Variants in PTPRQ observed in about 807,000 individuals in gnomAD.
PTPRQ encodes phosphatidylinositol phosphatase PTPRQ.
In PTPRQ, 199 loss-of-function variants were observed where a neutral mutation model predicts 246.0. The ratio of observed to expected loss-of-function variants is 0.81; its 90% CI spans 0.72 to 0.91. The LOEUF (loss-of-function observed/expected upper bound fraction) is 0.91, where lower values mean the gene tolerates loss of function less well. PTPRQ is among the 40% of genes least tolerant of loss of function. PTPRQ has a pLI of 0.00. For missense variants in PTPRQ, 2,624 were observed against 2,528.4 expected (o/e 1.04, Z -0.81); for synonymous variants, 869 against 853.2 (o/e 1.02, Z -0.32).
chr12:80,543,839 G>A (rs1414110538), intron 23 of PTPRQ, among the ~76,000 whole-genome samples: 1 of 151,996 alleles, frequency 6.6e-6, no homozygotes, highest in Non-Finnish European at 1.5e-5. Flanking sequence ...GTTTCCCAGA[G>A]GTGTGAAATA....
chr12:80,468,404 A>T (rs1893510349), intron 6 of PTPRQ, among the ~76,000 whole-genome samples: 1 of 152,188 alleles, frequency 6.6e-6, no homozygotes. Context: ...AAATGTTTCA[A>T]GACAATGTAA....
intron 8 of PTPRQ, among the ~76,000 whole-genome samples, chr12:80,478,176 G>C (rs963697569): frequency 7.5e-5 from 11 of 146,852 alleles, no homozygotes; most frequent in African/African-American, 2.4e-4. Flanking sequence ...CACGCAGCTG[G>C]AGATCTGAGA....
chr12:80,597,689 A>G (rs1301754861), intron 26 of PTPRQ, among the ~76,000 whole-genome samples: 2 of 151,902 alleles, frequency 1.3e-5, no homozygotes, highest in African/African-American at 4.8e-5. Context: ...TGGCATGTCG[A>G]CGTTATAGAG....
At chr12:80,571,271 A>T (rs928074972) in intron 25 of PTPRQ, among the ~76,000 whole-genome samples, 1 of 152,220 alleles carries the variant, frequency 6.6e-6, no homozygotes, top group Non-Finnish European at 1.5e-5. Flanking sequence ...CAGCCTCCTG[A>T]GTAGCTGGGA....
rs1901256104 is a variant in PTPRQ at position 80,679,713 on chromosome 12, A to G, written c.*690A>G. The G allele has an allele frequency of 1.3e-5, 2 of 152,168 alleles. No homozygotes were observed. Among genetic ancestry groups the G allele is most frequent in the South Asian group, 2.1e-4 (1 of 4,830 alleles). The allele number at this position is 152,168 out of a possible 1,614,324, so 9.4% of individuals were successfully genotyped here. A position where few individuals can be genotyped will look rare whatever the true frequency, so the allele number is the denominator to read the frequency against. On this transcript the variant is annotated 3_prime_UTR_variant, in exon 45 of 45. Coordinates refer to ENST00000644991, the MANE Select transcript of PTPRQ (RefSeq NM_001145026.2). ...TGCACACATGAAATTACAGAGTACC[A>G]TTCTAGCAAACCTACATTTGTAAAC...
Position 80,557,969 on chromosome 12 carries a change from A to G in PTPRQ, c.4285+8235A>G, listed in dbSNP as rs372554873. ...TGTTATATAAGTGGAATTATAAAGTATGTAACCTTTTTTACCCAGAAAAAG... is the reference window on the plus strand; with the variant it reads ...TGTTATATAAGTGGAATTATAAAGTGTGTAACCTTTTTTACCCAGAAAAAG... On this transcript the variant is annotated intron_variant, in intron 25 of 44. Coordinates refer to ENST00000644991, the MANE Select transcript of PTPRQ (RefSeq NM_001145026.2). 7.9e-5 allele frequency among the ~76,000 whole-genome samples: 12 copies of G among 152,170 alleles called. No individual in the cohort carries two copies. The East Asian group carries it at 1.7e-3, about 22-fold the overall frequency.
Position 80,649,205 on chromosome 12 carries a change from C to G in PTPRQ, c.5942+282C>G, listed in dbSNP as rs74961900. ...CCATGTCATTATGAGAATGAGGTCA[C>G]TGCAATATTTTATATCTTCTAAAAC... On this transcript the variant is annotated intron_variant, in intron 36 of 44. Coordinates refer to ENST00000644991, the MANE Select transcript of PTPRQ (RefSeq NM_001145026.2). Among the ~76,000 whole-genome samples the G allele has an allele frequency of 0.061, 9,257 of 152,156 alleles. 356 individuals are homozygous for G. Among genetic ancestry groups the G allele is most frequent in the South Asian group, 0.18 (886 of 4,820 alleles).
chr12:80,532,862 A>G (rs1895883865), intron 17 of PTPRQ, among the ~76,000 whole-genome samples: 2 of 152,184 alleles, frequency 1.3e-5, no homozygotes, highest in African/African-American at 4.8e-5. Flanking sequence ...AACAAAACTT[A>G]TATTTGGAAT....
At position 80,542,163 on chromosome 12, in the gene PTPRQ, C is replaced by G. The variant is rs1473545408; in HGVS notation, c.3520C>G (p.Pro1174Ala). 6.4e-7 allele frequency: 1 copy of G among 1,550,920 alleles called. No individual in the cohort carries two copies. Among genetic ancestry groups the G allele is most frequent in the Non-Finnish European group, 8.7e-7 (1 of 1,146,630 alleles). Residue 1174 changes from proline to alanine, a missense_variant, in exon 22 of 45, where the codon CCA becomes GCA. Coordinates refer to ENST00000644991, the MANE Select transcript of PTPRQ (RefSeq NM_001145026.2). ...STSVLLSWDP[P>A]VKPNGAIISY... ...CTCAGTTCTCTTATCATGGGATCCC[C>G]CAGTAAAGCCAAATGGTGCAATAAT...
chr12:80,458,730 AGATT>A (rs1004818703), intron 4 of PTPRQ, among the ~76,000 whole-genome samples: 21 of 152,152 alleles, frequency 1.4e-4, no homozygotes, highest in Non-Finnish European at 2.6e-4. Flanking sequence ...AATAGAACTC[AGATT>A]ATTATTATTA....
At chr12:80,449,249 G>C (rs1442363952) in intron 3 of PTPRQ, among the ~76,000 whole-genome samples, 29 of 151,288 alleles carry the variant, frequency 1.9e-4, no homozygotes, top group Admixed American at 1.9e-3. Flanking sequence ...AAATTTGTTT[G>C]AGTTCATTGT....
intron 10 of PTPRQ, 136 bp from the exon 11 acceptor site, chr12:80,494,797 T>C: frequency 1.3e-6 from 1 of 778,248 alleles, no homozygotes; most frequent in South Asian, 3.0e-5. Flanking sequence ...CACACCTAAC[T>C]TTAATAGAGG....
chr12:80,464,211 T>C (rs966795921), intron 6 of PTPRQ, among the ~76,000 whole-genome samples: 45 of 145,710 alleles, frequency 3.1e-4, no homozygotes, highest in African/African-American at 1.1e-3. Context: ...AAGGCAGGGG[T>C]TGCAATCCTA....
chr12:80,631,851 G>T (rs551164520), intron 33 of PTPRQ, among the ~76,000 whole-genome samples: 64 of 152,248 alleles, frequency 4.2e-4, no homozygotes, highest in Non-Finnish European at 8.1e-4. Flanking sequence ...AACATTTTAA[G>T]TATACTTCAA....
At chr12:80,534,857 A>G in intron 18 of PTPRQ, 35 bp from the exon 19 acceptor site, 5 of 1,539,812 alleles carry the variant, frequency 3.2e-6, no homozygotes, top group Middle Eastern at 3.4e-4. Context: ...TTGTAAACAC[A>G]AATACAGTAA....
At chr12:80,446,716 T>G (rs1222105519) in intron 3 of PTPRQ, among the ~76,000 whole-genome samples, 1 of 151,326 alleles carries the variant, frequency 6.6e-6, no homozygotes, top group Non-Finnish European at 1.5e-5. Context: ...TCACTTAGGA[T>G]ATGTTCTCCA....
chr12:80,591,329 A>C (rs1897795907), intron 26 of PTPRQ, among the ~76,000 whole-genome samples: 1 of 151,842 alleles, frequency 6.6e-6, no homozygotes, highest in Non-Finnish European at 1.5e-5. Flanking sequence ...AGGTCTCACT[A>C]TATTGCCCAA....
intron 29 of PTPRQ, among the ~76,000 whole-genome samples, chr12:80,614,875 T>C (rs1350590796): frequency 6.6e-6 from 1 of 150,976 alleles, no homozygotes; most frequent in Non-Finnish European, 1.5e-5. Flanking sequence ...TACATATATT[T>C]TGGCTATTGG....
In PTPRQ at chr12:80,652,838, T is replaced by A. The variant is rs1033508125; in HGVS notation, c.6115+4T>A. 1.3e-6 allele frequency: 2 copies of A among 1,482,756 alleles called. No homozygotes were observed. The highest frequency in any genetic ancestry group is 1.8e-6 in the Non-Finnish European group (2 of 1,117,980). 91.8% of individuals were successfully genotyped at this position (1,482,756 alleles called of 1,614,324 possible). A position where few individuals can be genotyped will look rare whatever the true frequency, so the allele number is the denominator to read the frequency against. ...CGCTTCCCAAACATAAAACCATGTA[T>A]GTGCATTTGTTGGTTTTGGTTTAGC... On this transcript the variant is annotated splice_donor_region_variant and intron_variant, in intron 38 of 44. Coordinates refer to ENST00000644991, the MANE Select transcript of PTPRQ (RefSeq NM_001145026.2).
Sources: allele counts gnomAD v4.1 joint callset (sites outside exome capture counted in the v4.1 genomes callset), GRCh38; gene constraint gnomAD v4.1.1; transcripts MANE v1.5; gene names NCBI Gene and HGNC (gene_info 2026-07-23, HGNC 2026-07-21).